SGCZ: variants seen among roughly 807,000 people sequenced by gnomAD.
SGCZ encodes zeta-sarcoglycan.
SGCZ carries 40 observed loss-of-function variants against 41.3 expected under a neutral mutation model. The observed-to-expected ratio is 0.97, with a 90% CI of 0.75 to 1.26. The LOEUF is 1.26. Ranked by LOEUF, SGCZ falls within the 50% of genes most tolerant of loss-of-function variation. SGCZ has a pLI of 0.00. For synonymous variants in SGCZ, 206 were observed against 137.5 expected (o/e 1.50, Z -3.49); for missense variants, 552 against 369.8 (o/e 1.49, Z -4.04).
chr8:15,046,061 T>C (rs1485684171), intron 1 of SGCZ, among the ~76,000 whole-genome samples: 4 of 152,084 alleles, frequency 2.6e-5, no homozygotes, highest in Admixed American at 2.6e-4. Flanking sequence ...GTTAGTACAT[T>C]TACATACATT....
intron 1 of SGCZ, among the ~76,000 whole-genome samples, chr8:14,757,517 A>G (rs929003969): frequency 6.6e-6 from 1 of 152,178 alleles, no homozygotes; most frequent in African/African-American, 2.4e-5. Flanking sequence ...GAAACCTCAG[A>G]GCAGTCTAGA....
At chr8:14,648,075 G>C (rs1807282155) in intron 1 of SGCZ, among the ~76,000 whole-genome samples, 1 of 151,820 alleles carries the variant, frequency 6.6e-6, no homozygotes, top group South Asian at 2.1e-4. Flanking sequence ...ATTTGACAGG[G>C]AGTGACCTAA....
At chr8:14,204,213 G>GT (rs1463316978) in intron 4 of SGCZ, among the ~76,000 whole-genome samples, 1 of 151,506 alleles carries the variant, frequency 6.6e-6, no homozygotes, top group African/African-American at 2.4e-5. Context: ...GGGGTAATTT[G>GT]TTTGTGTCAT....
chr8:14,722,628 C>G (rs2250371), intron 1 of SGCZ, among the ~76,000 whole-genome samples: 56,233 of 149,744 alleles, frequency 0.38, 12,623 homozygotes, highest in Non-Finnish European at 0.51. Context: ...TATGAAAAAG[C>G]AAGACAAAGT....
At chr8:14,292,864 A>G (rs1800887690) in intron 3 of SGCZ, among the ~76,000 whole-genome samples, 1 of 152,010 alleles carries the variant, frequency 6.6e-6, no homozygotes, top group South Asian at 2.1e-4. Flanking sequence ...GTCTCTATAT[A>G]TATAATTTTA....
intron 5 of SGCZ, among the ~76,000 whole-genome samples, chr8:14,112,565 T>G (rs983024995): frequency 2.6e-5 from 4 of 152,122 alleles, no homozygotes; most frequent in African/African-American, 9.7e-5. Context: ...CTACCTTACT[T>G]TCTTTTTCTT....
At chr8:14,324,045 A>G in intron 3 of SGCZ, 58 bp downstream of exon 3, 1 of 1,222,764 alleles carries the variant, frequency 8.2e-7, no homozygotes, top group South Asian at 1.2e-5. Context: ...TGCTATTTCA[A>G]GCTAAAACAT....
intron 3 of SGCZ, among the ~76,000 whole-genome samples, chr8:14,250,785 C>G (rs549464474): frequency 2.0e-5 from 3 of 152,320 alleles, no homozygotes; most frequent in African/African-American, 7.2e-5. Context: ...CGCTCCTATG[C>G]ACCCAAGGCT....
At chr8:15,211,363 A>G (rs1801233200) in intron 1 of SGCZ, among the ~76,000 whole-genome samples, 1 of 151,860 alleles carries the variant, frequency 6.6e-6, no homozygotes, top group East Asian at 1.9e-4. Flanking sequence ...ACCTTTCCCA[A>G]TGTGCTTTCT....
chr8:14,872,943 A>G (rs1374743166), intron 1 of SGCZ, among the ~76,000 whole-genome samples: 1 of 152,160 alleles, frequency 6.6e-6, no homozygotes, highest in East Asian at 1.9e-4. Flanking sequence ...AGAGTTAGAA[A>G]TAAAGCAGAA....
chr8:14,809,170 T>G (rs1190449456), intron 1 of SGCZ, among the ~76,000 whole-genome samples: 1 of 152,046 alleles, frequency 6.6e-6, no homozygotes, highest in South Asian at 2.1e-4. Context: ...GCGTGGCACA[T>G]GTATACATAT....
intron 2 of SGCZ, among the ~76,000 whole-genome samples, chr8:14,536,600 CA>C (rs753790458): frequency 3.3e-5 from 5 of 151,604 alleles, no homozygotes; most frequent in Non-Finnish European, 1.5e-5. Context: ...TGAAAATCTC[CA>C]AAAAGGTTTT....
At chr8:14,605,824 G>C (rs1270775750) in intron 1 of SGCZ, among the ~76,000 whole-genome samples, 1 of 152,106 alleles carries the variant, frequency 6.6e-6, no homozygotes, top group Non-Finnish European at 1.5e-5. Flanking sequence ...ATCTTATGTA[G>C]CAAATAAAAA....
intron 1 of SGCZ, among the ~76,000 whole-genome samples, chr8:14,946,456 T>C (rs933384995): frequency 6.6e-5 from 10 of 152,048 alleles, no homozygotes; most frequent in African/African-American, 2.4e-4. Context: ...CACATTAGTG[T>C]GTTCCTCCAT....
At chr8:14,137,527 T>C (rs1173324381) in intron 5 of SGCZ, among the ~76,000 whole-genome samples, 1 of 152,114 alleles carries the variant, frequency 6.6e-6, no homozygotes, top group Non-Finnish European at 1.5e-5. Context: ...AACTATGTGA[T>C]GCATGCACAA....
At chr8:14,301,130 T>G (rs1347141480) in intron 3 of SGCZ, among the ~76,000 whole-genome samples, 1 of 151,938 alleles carries the variant, frequency 6.6e-6, no homozygotes. Flanking sequence ...TGTCACCTAT[T>G]TATTAGATGC....
chr8:14,132,520 G>C (rs899534365), intron 5 of SGCZ, among the ~76,000 whole-genome samples: 15 of 152,012 alleles, frequency 9.9e-5, no homozygotes, highest in Non-Finnish European at 1.9e-4. Flanking sequence ...CGTTCTGTTT[G>C]TTTTATACTT....
intron 1 of SGCZ, among the ~76,000 whole-genome samples, chr8:14,686,295 T>A (rs1260530715): frequency 6.6e-6 from 1 of 152,062 alleles, no homozygotes; most frequent in East Asian, 1.9e-4. Flanking sequence ...AAGCACTAAA[T>A]TTGAGTAATT....
chr8:14,687,770 A>G (rs558645538), intron 1 of SGCZ, among the ~76,000 whole-genome samples: 20 of 152,018 alleles, frequency 1.3e-4, no homozygotes, highest in African/African-American at 4.3e-4. Context: ...GAATCGCCAC[A>G]CTGACTTCCA....
Sources: gnomAD v4.1 joint callset for allele counts (sites outside exome capture counted in the v4.1 genomes callset) on GRCh38, gnomAD v4.1.1 for gene constraint, MANE v1.5 for transcripts, NCBI Gene and HGNC (gene_info 2026-07-23, HGNC 2026-07-21) for gene names.